MYO1H: variants seen among roughly 807,000 people sequenced by gnomAD.
MYO1H encodes the protein myosin IH.
In MYO1H, 118 loss-of-function variants were observed where a neutral mutation model predicts 149.3. The ratio of observed to expected loss-of-function variants is 0.79; its 90% CI spans 0.68 to 0.92. The LOEUF is 0.92. Among genes scored for constraint, MYO1H ranks in the 40% least tolerant of loss-of-function variants. The pLI is 0.00. For missense variants in MYO1H, 1,212 were observed against 1,280.7 expected, an observed-to-expected ratio of 0.95 and a Z score of 0.82; for synonymous variants, 447 against 465.2, an observed-to-expected ratio of 0.96 and a Z score of 0.50.
the MYO1H span, among the ~76,000 whole-genome samples, chr12:109,324,741 G>A: frequency 3.9e-4 from 59 of 150,170 alleles, 1 homozygote; most frequent in Admixed American, 8.0e-4. Flanking sequence ...TCCAGGATAC[G>A]TTTGCAGAAT....
intron 6 of MYO1H, among the ~76,000 whole-genome samples, chr12:109,401,830 C>T (rs150821977): frequency 2.4e-4 from 37 of 152,046 alleles, no homozygotes; most frequent in African/African-American, 8.7e-4. Flanking sequence ...GCCTTGACCT[C>T]CTGGGCTCAA....
At chr12:109,364,171 TAAAAAAAAAAAAAAAA>T (rs746308903) in intron 1 of MYO1H, among the ~76,000 whole-genome samples, 3 of 90,266 alleles carry the variant, frequency 3.3e-5, no homozygotes, top group Non-Finnish European at 6.7e-5. Flanking sequence ...ACCATGTCTT[TAAAAAAAAAAAAAAAA>T]AAAAAAAAAA....
chr12:109,336,591 T>C, the MYO1H span, among the ~76,000 whole-genome samples: 1 of 152,182 alleles, frequency 6.6e-6, no homozygotes, highest in Non-Finnish European at 1.5e-5. Flanking sequence ...ACCAACAGTT[T>C]AGCAATTTCA....
At chr12:109,324,699 T>A in the MYO1H span, among the ~76,000 whole-genome samples, 1 of 151,752 alleles carries the variant, frequency 6.6e-6, no homozygotes, top group African/African-American at 2.4e-5. Flanking sequence ...TTTCTTTTTC[T>A]TTTCTTTTTT....
chr12:109,342,248 A>C, the MYO1H span, among the ~76,000 whole-genome samples: 11 of 149,314 alleles, frequency 7.4e-5, no homozygotes, highest in Admixed American at 5.4e-4. Flanking sequence ...GGGTTCAAGC[A>C]GTTCTCCTGC....
exon 14 of MYO1H, chr12:109,411,985 C>T (rs776577000): frequency 1.4e-5 from 22 of 1,578,996 alleles, no homozygotes; most frequent in East Asian, 2.3e-5. Context: ...CACTTCGAAA[C>T]GTACATACTT....
exon 6 of MYO1H, chr12:109,401,165 G>A (rs998361066): frequency 7.4e-6 from 12 of 1,613,792 alleles, no homozygotes; most frequent in African/African-American, 4.0e-5. Context: ...AAACGAAGGC[G>A]AGCGGAATTT....
chr12:109,417,846 C>T (rs1244601231), intron 15 of MYO1H, among the ~76,000 whole-genome samples: 5 of 151,536 alleles, frequency 3.3e-5, no homozygotes, highest in South Asian at 2.1e-4. Flanking sequence ...GACGGAGTCT[C>T]GCTCTGTCGC....
At position 109,439,114 on chromosome 12, in the gene MYO1H, G is replaced by A. The variant is rs1471287077; in HGVS notation, c.2294+494G>A. On this transcript the variant is annotated intron_variant, in intron 23 of 31. Transcript: ENST00000310903. ...GTTTGAGATGGAGTCTCACTCTGTC[G>A]CCCAGGCTGGAGTACAATGGTGTGA... Among the ~76,000 whole-genome samples, 3 of 152,020 alleles carry A rather than the reference G, an allele frequency of 2.0e-5. No individual in the cohort carries two copies. The East Asian group carries it at 5.8e-4, about 29-fold the overall frequency.
exon 24 of MYO1H, chr12:109,439,727 G>T: frequency 6.2e-7 from 1 of 1,613,942 alleles, no homozygotes; most frequent in Non-Finnish European, 8.5e-7. Context: ...TGAATCTCCG[G>T]TATCACCTTC....
chr12:109,342,361 T>A, the MYO1H span, among the ~76,000 whole-genome samples: 2 of 152,090 alleles, frequency 1.3e-5, no homozygotes, highest in African/African-American at 4.8e-5. Flanking sequence ...TCCAGGCTGG[T>A]CTTGAACTCC....
At chr12:109,419,393 G>A (rs1014004060) in intron 15 of MYO1H, among the ~76,000 whole-genome samples, 1 of 152,082 alleles carries the variant, frequency 6.6e-6, no homozygotes, top group Non-Finnish European at 1.5e-5. Context: ...ACCAGGAATT[G>A]TGTCATCCTC....
rs767787978 is a variant in MYO1H, at chr12:109,405,905, A to G, written c.850-17A>G. The G allele has an allele frequency of 2.6e-6, 4 of 1,560,624 alleles. No homozygotes were observed. The South Asian group carries it at 4.5e-5, about 17-fold the overall frequency. ...CTGTCCTGATCTCCTGTCTCTGAAC[A>G]CTTCCCATGTTCCTAGAATCTCTTT... is the stretch of plus-strand genomic sequence containing the variant. On this transcript the variant is annotated splice_polypyrimidine_tract_variant and intron_variant, in intron 7 of 31. Coordinates refer to ENST00000310903, the Ensembl canonical transcript of MYO1H.
intron 9 of MYO1H, among the ~76,000 whole-genome samples, chr12:109,407,416 A>T (rs1334503364): frequency 5.3e-5 from 8 of 152,028 alleles, no homozygotes; most frequent in Non-Finnish European, 8.8e-5. Context: ...GAGCCATCAT[A>T]TGAACCAAAG....
the MYO1H span, among the ~76,000 whole-genome samples, chr12:109,330,048 C>T: frequency 5.9e-5 from 9 of 152,310 alleles, no homozygotes; most frequent in South Asian, 1.0e-3. Flanking sequence ...AGAAAACAAA[C>T]ATTTGTGGCA....
chr12:109,331,009 C>T, the MYO1H span, among the ~76,000 whole-genome samples: 1 of 152,172 alleles, frequency 6.6e-6, no homozygotes, highest in Admixed American at 6.5e-5. Context: ...ACTTAAGTAT[C>T]ATTTACATAC....
Position 109,388,682 on chromosome 12 carries a change from G to C in MYO1H, c.13-1G>C. The C allele has an allele frequency of 6.4e-7, 1 of 1,556,472 alleles. No homozygotes were observed. The highest frequency in any genetic ancestry group is 8.7e-7 in the Non-Finnish European group (1 of 1,147,308). ...GCTGAAGAATGTTCTATTTCCCGTA[G>C]AAAGAAGACGTGAGGAGGAAACACA... On this transcript the variant is annotated splice_acceptor_variant, in intron 1 of 31. Transcript: ENST00000310903. LOFTEE classifies it high-confidence loss of function.
intron 14 of MYO1H, among the ~76,000 whole-genome samples, chr12:109,414,484 A>G (rs550602560): frequency 2.0e-5 from 3 of 151,108 alleles, no homozygotes; most frequent in East Asian, 3.9e-4. Context: ...CTCAAAAAAA[A>G]AAAAAAAAAG....
At chr12:109,424,799 G>A (rs975004272) in exon 17 of MYO1H, 15 of 1,613,884 alleles carry the variant, frequency 9.3e-6, no homozygotes, top group Middle Eastern at 1.7e-4. Flanking sequence ...CCTGCTGGCC[G>A]AGTTAGAAAA....
Sources: allele counts gnomAD v4.1 joint callset (sites outside exome capture counted in the v4.1 genomes callset), GRCh38; gene constraint gnomAD v4.1.1; transcripts MANE v1.5; gene names NCBI Gene and HGNC (gene_info 2026-07-23, HGNC 2026-07-21).